The following PARVA variants were observed in gnomAD, a reference collection of about 807,000 sequenced individuals.
PARVA encodes parvin alpha, also known as alpha-parvin.
In PARVA, 25 loss-of-function variants were observed where a neutral mutation model predicts 52.6. The observed-to-expected ratio is 0.48, with a 90% CI of 0.35 to 0.66. The LOEUF (loss-of-function observed/expected upper bound fraction) is 0.66, where lower values mean the gene tolerates loss of function less well. Among genes scored for constraint, PARVA ranks in the 30% least tolerant of loss-of-function variants. PARVA has a pLI of 0.01. For synonymous variants in PARVA, 185 were observed against 179.1 expected, an observed-to-expected ratio of 1.03 and a Z score of -0.26; for missense variants, 373 against 450.9, an observed-to-expected ratio of 0.83 and a Z score of 1.56.
At chr11:12,410,660 C>A (rs1939980696) in intron 1 of PARVA, among the ~76,000 whole-genome samples, 2 of 152,262 alleles carry the variant, frequency 1.3e-5, no homozygotes, top group Admixed American at 1.3e-4. Flanking sequence ...CCATCTTTCA[C>A]ACTGTAGCTG....
intron 1 of PARVA, among the ~76,000 whole-genome samples, chr11:12,395,965 T>C (rs1327925304): frequency 6.6e-6 from 1 of 152,254 alleles, no homozygotes; most frequent in African/African-American, 2.4e-5. Flanking sequence ...AAGATTATCC[T>C]TGGCAATGCT....
At chr11:12,426,171 A>G (rs1698642902) in intron 1 of PARVA, among the ~76,000 whole-genome samples, 1 of 152,250 alleles carries the variant, frequency 6.6e-6, no homozygotes, top group South Asian at 2.1e-4. Flanking sequence ...AGGAATGACA[A>G]TGACATGGAC....
chr11:12,407,933 T>C (rs1939937435), intron 1 of PARVA, among the ~76,000 whole-genome samples: 1 of 152,246 alleles, frequency 6.6e-6, no homozygotes, highest in Admixed American at 6.5e-5. Context: ...TTCTCTGTTG[T>C]TCAGGAACCT....
chr11:12,494,655 T>TA lies in PARVA; in HGVS notation c.401-1792dup, dbSNP rs879520948. 4.0e-3 allele frequency among the ~76,000 whole-genome samples: 594 copies of TA among 147,340 alleles called. 4 individuals are homozygous for TA. Among genetic ancestry groups the TA allele is most frequent in the Admixed American group, 0.01 (153 of 14,748 alleles). On this transcript the variant is annotated intron_variant, in intron 4 of 12. Transcript: ENST00000334956. Reference sequence around the variant, plus strand: ...ATATTTCTTCTTATGTCACACCATTTAAAAAAAAAAAGAATGAACTAGACA... The same window carrying TA: ...ATATTTCTTCTTATGTCACACCATTTAAAAAAAAAAAAGAATGAACTAGACA...
At chr11:12,389,868 C>T (rs142966013) in intron 1 of PARVA, among the ~76,000 whole-genome samples, 395 of 152,270 alleles carry the variant, frequency 2.6e-3, no homozygotes, top group African/African-American at 7.3e-3. Flanking sequence ...CACTGGAGGA[C>T]GTGGATGCTC....
intron 4 of PARVA, among the ~76,000 whole-genome samples, chr11:12,491,496 G>T (rs993964450): frequency 6.6e-6 from 1 of 152,084 alleles, no homozygotes; most frequent in African/African-American, 2.4e-5. Context: ...TGAGGGACAC[G>T]CGAAGGTTGA....
chr11:12,445,411 A>T (rs1164623093), intron 1 of PARVA, among the ~76,000 whole-genome samples: 1 of 152,108 alleles, frequency 6.6e-6, no homozygotes. Flanking sequence ...GGGAATCAGG[A>T]CATAAATACC....
At position 12,504,415 on chromosome 11, in the gene PARVA, G is replaced by A. The variant is rs1188574643; in HGVS notation, c.643G>A (p.Val215Met). 1 of 1,610,672 alleles carries A rather than the reference G, an allele frequency of 6.2e-7. No homozygotes were observed. Among genetic ancestry groups the A allele is most frequent in the Non-Finnish European group, 8.5e-7 (1 of 1,176,946 alleles). ...IRLPDHVSIQ[V>M]VVVQKREGIL... ...ACTCCCAGACCATGTTTCCATCCAA[G>A]TGGTTGTGGTCCAGGTAAGACAGGT... Residue 215 changes from valine (V) to methionine (M), a missense_variant, in exon 6 of 13, where the codon GTG becomes ATG. Physicochemically the swap from Val to Met is conservative, Grantham distance 21. Coordinates refer to ENST00000334956, the MANE Select transcript of PARVA (RefSeq NM_018222.5).
In PARVA at chr11:12,508,668, G is replaced by C. The variant is rs376369901; in HGVS notation, c.716+26G>C. On this transcript the variant is annotated intron_variant, in intron 7 of 12. Coordinates refer to ENST00000334956, the MANE Select transcript of PARVA (RefSeq NM_018222.5). ...GTATGTCAACACCATTGTTGCCAGC[G>C]ATTCTGTAATGGAACACAGATGTTT... The C allele has an allele frequency of 1.0e-4, 161 of 1,535,910 alleles. No individual in the cohort carries two copies. In the African/African-American group the frequency reaches 2.0e-3, roughly 19 times the overall value.
At chr11:12,388,587 C>T (rs940086957) in intron 1 of PARVA, among the ~76,000 whole-genome samples, 6 of 152,222 alleles carry the variant, frequency 3.9e-5, no homozygotes, top group East Asian at 3.9e-4. Context: ...CCCATGCTTA[C>T]GGGATTTATG....
intron 1 of PARVA, among the ~76,000 whole-genome samples, chr11:12,452,396 G>C (rs1038121338): frequency 1.3e-5 from 2 of 151,630 alleles, no homozygotes; most frequent in African/African-American, 4.8e-5. Flanking sequence ...CTAGTAGTTA[G>C]ATCTTCGTGA....
rs1328586797 is a variant in PARVA at position 12,442,816 on chromosome 11, C to T, written c.137-30929C>T. Among the ~76,000 whole-genome samples, 4 of 151,482 alleles carry T rather than the reference C, an allele frequency of 2.6e-5. No individual in the cohort carries two copies. In the East Asian group the frequency reaches 7.8e-4, roughly 29 times the overall value. On this transcript the variant is annotated intron_variant, in intron 1 of 12. Coordinates refer to ENST00000334956, the MANE Select transcript of PARVA (RefSeq NM_018222.5). ...GCAGTTTCCAAAAGCCATGGGACAA[C>T]GTGGGATGCTATATATCAAGGTGTT...
intron 6 of PARVA, among the ~76,000 whole-genome samples, chr11:12,504,730 T>C (rs1022770417): frequency 4.7e-5 from 7 of 150,494 alleles, no homozygotes; most frequent in African/African-American, 1.2e-4. Context: ...GTGTGCGGTA[T>C]GTATGTGAGC....
intron 6 of PARVA, 41 bp downstream of exon 6, chr11:12,504,470 G>A: frequency 7.9e-7 from 1 of 1,263,264 alleles, no homozygotes; most frequent in Non-Finnish European, 1.2e-6. Context: ...TCTTTAAAGA[G>A]TCGTGGAGGT....
chr11:12,512,601 G>A (rs1941516234), intron 8 of PARVA, among the ~76,000 whole-genome samples: 1 of 152,180 alleles, frequency 6.6e-6, no homozygotes, highest in Admixed American at 6.5e-5. Context: ...CTATGATCCT[G>A]ATATTTACTG....
rs1941761257 is a variant in PARVA, at chr11:12,530,655, C to T, written c.*2730C>T. ...TCTAGGCATGTAAAGCACAAACATA[C>T]ATATAAAATCTGCGGGCTTCAAAAA... On this transcript the variant is annotated 3_prime_UTR_variant, in exon 13 of 13. Coordinates refer to ENST00000334956, the MANE Select transcript of PARVA (RefSeq NM_018222.5). The T allele has an allele frequency of 6.6e-6, 1 of 152,168 alleles. No individual in the cohort carries two copies. Among genetic ancestry groups the T allele is most frequent in the African/African-American group, 2.4e-5 (1 of 41,438 alleles). 9.4% of individuals were successfully genotyped at this position (152,168 alleles called of 1,614,324 possible).
intron 5 of PARVA, among the ~76,000 whole-genome samples, chr11:12,497,587 GT>G (rs1941313615): frequency 1.3e-5 from 2 of 152,188 alleles, no homozygotes. Context: ...ATAATTACAC[GT>G]TTTTGTGCAC....
chr11:12,485,970 A>G (rs2135049865), intron 4 of PARVA, among the ~76,000 whole-genome samples: 1 of 152,338 alleles, frequency 6.6e-6, no homozygotes, highest in African/African-American at 2.4e-5. Context: ...AGAACAGAGG[A>G]CGCTAAGGAG....
At chr11:12,497,884 T>C (rs1941318150) in intron 5 of PARVA, among the ~76,000 whole-genome samples, 1 of 152,190 alleles carries the variant, frequency 6.6e-6, no homozygotes, top group Non-Finnish European at 1.5e-5. Flanking sequence ...TAATGAAGAC[T>C]GCTGTTTAGT....
Sources: allele counts gnomAD v4.1 joint callset (sites outside exome capture counted in the v4.1 genomes callset), GRCh38; gene constraint gnomAD v4.1.1; transcripts MANE v1.5; gene names NCBI Gene and HGNC (gene_info 2026-07-23, HGNC 2026-07-21).